The following SH3GL2 variants were observed in gnomAD, a reference collection of about 807,000 sequenced individuals.
SH3GL2 encodes the protein endophilin-A1.
A neutral mutation model predicts 46.0 loss-of-function variants in SH3GL2; 24 were observed. That is an observed-to-expected ratio of 0.52 (90% CI 0.38 to 0.73). The LOEUF (loss-of-function observed/expected upper bound fraction) is 0.73, where lower values mean the gene tolerates loss of function less well. Among genes scored for constraint, SH3GL2 ranks in the 30% least tolerant of loss-of-function variants. SH3GL2 has a pLI of 0.00. For synonymous variants in SH3GL2, 196 were observed against 147.1 expected (o/e 1.33, Z -2.40); for missense variants, 413 against 424.2 (o/e 0.97, Z 0.23).
At chr9:17,687,728 G>A (rs1337878125) in intron 1 of SH3GL2, among the ~76,000 whole-genome samples, 2 of 151,784 alleles carry the variant, frequency 1.3e-5, no homozygotes, top group African/African-American at 2.4e-5. Context: ...TTTGCCCCCC[G>A]AAAACATTAT....
At chr9:17,706,521 T>C (rs1821477047) in intron 1 of SH3GL2, among the ~76,000 whole-genome samples, 1 of 152,082 alleles carries the variant, frequency 6.6e-6, no homozygotes, top group African/African-American at 2.4e-5. Flanking sequence ...TTTCCTCTTA[T>C]CTTTTCTTGC....
intron 1 of SH3GL2, among the ~76,000 whole-genome samples, chr9:17,688,086 A>G (rs951759540): frequency 6.6e-6 from 1 of 152,034 alleles, no homozygotes; most frequent in African/African-American, 2.4e-5. Context: ...CATCTTTTCC[A>G]GTCTCTGTCT....
intron 1 of SH3GL2, among the ~76,000 whole-genome samples, chr9:17,644,326 CTT>C (rs1819755469): frequency 6.6e-6 from 1 of 151,344 alleles, no homozygotes; most frequent in Non-Finnish European, 1.5e-5. Context: ...TTTTTATCTT[CTT>C]CAGTTCTGCT....
At chr9:17,690,604 C>A (rs1289970978) in intron 1 of SH3GL2, among the ~76,000 whole-genome samples, 2 of 152,066 alleles carry the variant, frequency 1.3e-5, no homozygotes, top group African/African-American at 4.8e-5. Flanking sequence ...GGTGTTAGGA[C>A]CTGTGAGTGG....
chr9:17,743,375 C>T (rs969652628), intron 1 of SH3GL2, among the ~76,000 whole-genome samples: 2 of 151,858 alleles, frequency 1.3e-5, no homozygotes, highest in Non-Finnish European at 2.9e-5. Context: ...ATCAACCAAC[C>T]ATTCAGGCCA....
At chr9:17,666,530 C>G (rs150777334) in intron 1 of SH3GL2, among the ~76,000 whole-genome samples, 23 of 147,424 alleles carry the variant, frequency 1.6e-4, no homozygotes, top group African/African-American at 5.8e-4. Context: ...CCCACTCTTT[C>G]ATACACAAAG....
At chr9:17,651,485 G>C (rs1819958585) in intron 1 of SH3GL2, among the ~76,000 whole-genome samples, 1 of 152,086 alleles carries the variant, frequency 6.6e-6, no homozygotes, top group African/African-American at 2.4e-5. Context: ...TGCTGTGTTT[G>C]CCTTTTTTCT....
intron 1 of SH3GL2, among the ~76,000 whole-genome samples, chr9:17,580,074 A>G (rs1312521207): frequency 6.6e-6 from 1 of 152,216 alleles, no homozygotes; most frequent in Non-Finnish European, 1.5e-5. Flanking sequence ...AAAACTGATT[A>G]ATTTAGATTC....
chr9:17,742,344 G>C (rs3808684), intron 1 of SH3GL2, among the ~76,000 whole-genome samples: 18,621 of 152,144 alleles, frequency 0.12, 1,342 homozygotes, highest in Admixed American at 0.24. Context: ...CCTTTGGGCT[G>C]AGAACAGTGG....
chr9:17,787,827 T>G (rs1332018374), intron 5 of SH3GL2, among the ~76,000 whole-genome samples: 1 of 152,182 alleles, frequency 6.6e-6, no homozygotes, highest in Non-Finnish European at 1.5e-5. Flanking sequence ...TGTTAATTAT[T>G]CTATGGTTTG....
In SH3GL2 at chr9:17,687,643, C is replaced by A. The variant is rs143282579; in HGVS notation, c.46-59423C>A. ...AAACTATAACATACATATAGTTGAA[C>A]TGAAAATCATGTTCCCTATAGAAAA... On this transcript the variant is annotated intron_variant, in intron 1 of 8. Transcript: ENST00000380607. 6.6e-3 allele frequency among the ~76,000 whole-genome samples: 1,007 copies of A among 152,042 alleles called. 5 individuals are homozygous for A. The highest frequency in any genetic ancestry group is 0.01 in the Non-Finnish European group (686 of 67,954).
chr9:17,792,554 T>C (rs9407880), intron 7 of SH3GL2, among the ~76,000 whole-genome samples: 14,001 of 152,210 alleles, frequency 0.092, 1,236 homozygotes, highest in African/African-American at 0.23. Context: ...CAATTTCCTT[T>C]TGTCTTCCCT....
intron 1 of SH3GL2, among the ~76,000 whole-genome samples, chr9:17,676,779 CT>C (rs1283459666): frequency 6.6e-6 from 1 of 152,196 alleles, no homozygotes; most frequent in Non-Finnish European, 1.5e-5. Flanking sequence ...TGATGAAAGA[CT>C]TGTGTCTAAG....
At chr9:17,610,458 A>G (rs1454828417) in intron 1 of SH3GL2, among the ~76,000 whole-genome samples, 6 of 152,160 alleles carry the variant, frequency 3.9e-5, no homozygotes, top group Admixed American at 3.9e-4. Flanking sequence ...CACAGAAAAA[A>G]CTGATGTTCG....
chr9:17,739,441 T>A (rs1822458852), intron 1 of SH3GL2, among the ~76,000 whole-genome samples: 1 of 152,156 alleles, frequency 6.6e-6, no homozygotes, highest in South Asian at 2.1e-4. Flanking sequence ...CTTTTTATAT[T>A]TTCTGTAACT....
rs986996908 is a variant in SH3GL2 at position 17,752,148 on chromosome 9, G to A, written c.114+5014G>A. Among the ~76,000 whole-genome samples the A allele has an allele frequency of 1.1e-4, 16 of 152,174 alleles. 1 individual carries two copies. Among genetic ancestry groups the A allele is most frequent in the Admixed American group, 1.0e-3 (16 of 15,260 alleles). Reference sequence around the variant, plus strand: ...TAAGATAATGCTTTAAATCAAAGCAGCTTGGGGACAGATGGATTAACTCTT... The same window carrying A: ...TAAGATAATGCTTTAAATCAAAGCAACTTGGGGACAGATGGATTAACTCTT... On this transcript the variant is annotated intron_variant, in intron 2 of 8. Transcript: ENST00000380607.
At chr9:17,663,025 C>A (rs1366830186) in intron 1 of SH3GL2, among the ~76,000 whole-genome samples, 1 of 152,070 alleles carries the variant, frequency 6.6e-6, no homozygotes, top group African/African-American at 2.4e-5. Flanking sequence ...TTTAAATAAA[C>A]CTCTTGGGGA....
chr9:17,696,905 A>C (rs1188546493), intron 1 of SH3GL2, among the ~76,000 whole-genome samples: 1 of 151,994 alleles, frequency 6.6e-6, no homozygotes, highest in Admixed American at 6.5e-5. Flanking sequence ...ACCTTCCATC[A>C]CTTTCTGGGA....
chr9:17,679,946 T>A (rs1338991605), intron 1 of SH3GL2, among the ~76,000 whole-genome samples: 1 of 152,206 alleles, frequency 6.6e-6, no homozygotes, highest in Non-Finnish European at 1.5e-5. Flanking sequence ...GATTTGCATA[T>A]GTTGAACCAG....
Sources: gnomAD v4.1 joint callset for allele counts (sites outside exome capture counted in the v4.1 genomes callset) on GRCh38, gnomAD v4.1.1 for gene constraint, MANE v1.5 for transcripts, NCBI Gene and HGNC (gene_info 2026-07-23, HGNC 2026-07-21) for gene names.